ZNF461: variants seen among roughly 807,000 people sequenced by gnomAD.
ZNF461 encodes the protein gonadotropin-inducible ovarian transcription factor-1.
Under a neutral mutation model 18.3 loss-of-function variants are expected in ZNF461, and 16 were observed. The ratio of observed to expected loss-of-function variants is 0.88; its 90% CI spans 0.59 to 1.33. The LOEUF (loss-of-function observed/expected upper bound fraction) is 1.33. ZNF461 is among the 40% of genes most tolerant of loss of function. The pLI is 0.00. For synonymous variants in ZNF461, 179 were observed against 216.9 expected (o/e 0.83, Z 1.54); for missense variants, 595 against 669.9 (o/e 0.89, Z 1.23).
intron 2 of ZNF461, among the ~76,000 whole-genome samples, 188 bp downstream of exon 2, chr19:36,664,510 C>A (rs1053225050): frequency 1.3e-5 from 2 of 152,016 alleles, no homozygotes; most frequent in East Asian, 3.9e-4. Context: ...ATCGCCTGAA[C>A]CTGGGAGGTG....
chr19:36,658,335 C>T lies in ZNF461; in HGVS notation c.100G>A (p.Val34Met). Residue 34 changes from valine (V) to methionine (M), a missense_variant, in exon 3 of 6, where the codon GTG becomes ATG. Transcript: ENST00000588268. ...NPAQRNLYKE[V>M]MLENYSNLVS... ...AAGTTGCTATAATTCTCCAACATCA[C>T]CTCCTTGTACAAATTCCTCTGCGCT... is the stretch of plus-strand genomic sequence containing the variant. 1 of 1,610,698 alleles carries T rather than the reference C, an allele frequency of 6.2e-7. No homozygotes were observed. The highest frequency in any genetic ancestry group is 8.5e-7 in the Non-Finnish European group (1 of 1,178,172).
At chr19:36,653,160 T>C (rs1418810687) in intron 4 of ZNF461, among the ~76,000 whole-genome samples, 1 of 152,160 alleles carries the variant, frequency 6.6e-6, no homozygotes, top group Non-Finnish European at 1.5e-5. Context: ...GGTACAAACA[T>C]TGTTGACAAT....
At chr19:36,646,117 GTTATTGTTGTTGTTGTTA>G in intron 4 of ZNF461, among the ~76,000 whole-genome samples, 1 of 9,660 alleles carries the variant, frequency 1.0e-4, no homozygotes, top group African/African-American at 5.1e-4. Context: ...TGTTGTTGTT[GTTATTGTTGTTGTTGTTA>G]TTGTTGTTGA....
intron 2 of ZNF461, among the ~76,000 whole-genome samples, chr19:36,662,252 TTTTAA>T (rs769432933): frequency 6.6e-5 from 10 of 152,116 alleles, no homozygotes; most frequent in Middle Eastern, 3.4e-3. Flanking sequence ...GGGTCCTGCT[TTTTAA>T]TTTAATTTAA....
intron 4 of ZNF461, among the ~76,000 whole-genome samples, chr19:36,652,808 G>A (rs2037652941): frequency 6.6e-6 from 1 of 152,068 alleles, no homozygotes; most frequent in Non-Finnish European, 1.5e-5. Context: ...CTCAAAAAAA[G>A]ACAAATTACA....
intron 2 of ZNF461, among the ~76,000 whole-genome samples, chr19:36,658,946 A>G (rs2037771982): frequency 6.6e-6 from 1 of 152,050 alleles, no homozygotes; most frequent in Non-Finnish European, 1.5e-5. Flanking sequence ...CCCCCTTCCA[A>G]TTGGCGTAAA....
intron 4 of ZNF461, among the ~76,000 whole-genome samples, chr19:36,644,560 C>T (rs1300544808): frequency 1.3e-5 from 2 of 150,978 alleles, no homozygotes; most frequent in African/African-American, 2.4e-5. Flanking sequence ...TAAGCCACCA[C>T]GCCCAGCCAG....
intron 2 of ZNF461, among the ~76,000 whole-genome samples, chr19:36,661,756 G>A (rs570122859): frequency 1.2e-4 from 18 of 152,192 alleles, no homozygotes; most frequent in African/African-American, 4.1e-4. Flanking sequence ...AATGATACAG[G>A]ATGGAAACTC....
intron 4 of ZNF461, among the ~76,000 whole-genome samples, chr19:36,654,533 A>T (rs1182875338): frequency 1.3e-5 from 2 of 151,730 alleles, no homozygotes; most frequent in African/African-American, 4.9e-5. Flanking sequence ...ATGCTAGGCT[A>T]ATTTTTTTTT....
intron 5 of ZNF461, chr19:36,643,366 A>C (rs767725272): frequency 6.6e-6 from 1 of 152,352 alleles, no homozygotes; most frequent in Non-Finnish European, 1.5e-5. Context: ...TATAGGAGGT[A>C]CTTTTTTCTC....
At position 36,636,833 on chromosome 19, in the gene ZNF461, C is replaced by T. The variant is rs1568636480; in HGVS notation, c.*1820G>A. ...ACTTAACTACTGATTTATTCTTTTA[C>T]TTATCAGAGAGCAGCTGTGGGGAGT... On this transcript the variant is annotated 3_prime_UTR_variant, in exon 6 of 6. Coordinates refer to ENST00000588268, the MANE Select transcript of ZNF461 (RefSeq NM_153257.5). Among the ~76,000 whole-genome samples, 2 of 152,310 alleles carry T rather than the reference C, an allele frequency of 1.3e-5. No homozygotes were observed. Among genetic ancestry groups the T allele is most frequent in the South Asian group, 2.1e-4 (1 of 4,826 alleles).
chr19:36,638,683 G>A lies in ZNF461; in HGVS notation c.1662C>T (p.Leu554=). 1 of 1,611,960 alleles carries A rather than the reference G, an allele frequency of 6.2e-7. No individual in the cohort carries two copies. The highest frequency in any genetic ancestry group is 2.2e-5 in the East Asian group (1 of 44,820). The change falls in exon 6 of 6, where the codon CTC becomes CTT. Residue 554 remains leucine (L), a synonymous_variant. Transcript: ENST00000588268. ...HTGEKPVRFP[L]LPPHPSLAS ...ATGCTAGACTAGGATGGGGAGGGAG[G>A]AGAGGAAACCTGACTGGCTTCTCGC...
intron 4 of ZNF461, among the ~76,000 whole-genome samples, chr19:36,648,491 A>G (rs2037567700): frequency 6.6e-6 from 1 of 151,814 alleles, no homozygotes; most frequent in Non-Finnish European, 1.5e-5. Context: ...TCCTGGCAAC[A>G]CTTGTTATGT....
chr19:36,643,892 AT>A, intron 4 of ZNF461, 30 bp from the exon 5 acceptor site: 2 of 1,395,236 alleles, frequency 1.4e-6, no homozygotes, highest in Non-Finnish European at 1.9e-6. Flanking sequence ...TAAATACTTC[AT>A]TTTAGAATAA....
At chr19:36,663,286 A>G (rs1050130786) in intron 2 of ZNF461, among the ~76,000 whole-genome samples, 8 of 152,118 alleles carry the variant, frequency 5.3e-5, no homozygotes, top group African/African-American at 1.9e-4. Context: ...AAGTGCTGGG[A>G]TTATGGGCAT....
At chr19:36,644,450 G>A (rs919396228) in intron 4 of ZNF461, among the ~76,000 whole-genome samples, 4 of 148,586 alleles carry the variant, frequency 2.7e-5, no homozygotes, top group African/African-American at 9.9e-5. Context: ...TGTATTTTTA[G>A]TAGAGATGGG....
intron 2 of ZNF461, among the ~76,000 whole-genome samples, chr19:36,662,286 C>T (rs1216169587): frequency 2.0e-5 from 3 of 151,374 alleles, no homozygotes; most frequent in Admixed American, 2.0e-4. Context: ...AGATGGAGTC[C>T]TGCTTTGTCG....
At chr19:36,658,216 GA>G in intron 3 of ZNF461, 82 bp downstream of exon 3, 1 of 1,427,836 alleles carries the variant, frequency 7.0e-7, no homozygotes, top group Non-Finnish European at 9.5e-7. Flanking sequence ...TAATAGGGGG[GA>G]AAGCAGAAAT....
Position 36,649,369 on chromosome 19 carries a change from C to T in ZNF461, c.233-5507G>A, listed in dbSNP as rs544053999. On this transcript the variant is annotated intron_variant, in intron 4 of 5. Transcript: ENST00000588268. ...TTTTGAGACAGAGTCTCACTCTTGG[C>T]GCCCAGGCTGGAGTGCAATGGCATA... Among the ~76,000 whole-genome samples, 20 of 152,096 alleles carry T rather than the reference C, an allele frequency of 1.3e-4. No homozygotes were observed. In the East Asian group the frequency reaches 3.1e-3, roughly 23 times the overall value.
Sources: gnomAD v4.1 joint callset for allele counts (sites outside exome capture counted in the v4.1 genomes callset) on GRCh38, gnomAD v4.1.1 for gene constraint, MANE v1.5 for transcripts, NCBI Gene and HGNC (gene_info 2026-07-23, HGNC 2026-07-21) for gene names.